Variants in PARVG observed in about 807,000 individuals in gnomAD.
PARVG encodes gamma-parvin.
Under a neutral mutation model 44.4 loss-of-function variants are expected in PARVG, and 36 were observed. The ratio of observed to expected loss-of-function variants is 0.81; its 90% CI spans 0.62 to 1.07. The LOEUF (loss-of-function observed/expected upper bound fraction) is 1.07, where lower values mean the gene tolerates loss of function less well. Ranked by LOEUF, PARVG falls within the 50% of genes least tolerant of loss-of-function variation. The pLI, the probability that PARVG is intolerant of heterozygous loss-of-function variation, is 0.00. For synonymous variants in PARVG, 170 were observed against 174.1 expected, an observed-to-expected ratio of 0.98 and a Z score of 0.19; for missense variants, 407 against 407.4, an observed-to-expected ratio of 1.00 and a Z score of 0.01.
At chr22:44,187,997 A>G (rs1011020505) in intron 5 of PARVG, 119 bp downstream of exon 5, 8 of 1,003,842 alleles carry the variant, frequency 8.0e-6, no homozygotes, top group Admixed American at 2.0e-5. Context: ...GTTTAGGGAC[A>G]CCTGTCTCAC....
chr22:44,201,692 CA>C (rs2054711597), intron 12 of PARVG, among the ~76,000 whole-genome samples: 1 of 152,228 alleles, frequency 6.6e-6, no homozygotes, highest in African/African-American at 2.4e-5. Context: ...GGCTGAAAAC[CA>C]TGCTCATTTC....
At chr22:44,189,656 C>T (rs2147226433) in intron 6 of PARVG, among the ~76,000 whole-genome samples, 1 of 152,306 alleles carries the variant, frequency 6.6e-6, no homozygotes, top group East Asian at 1.9e-4. Flanking sequence ...GTGTCTCACA[C>T]CTGTAATCCC....
intron 3 of PARVG, chr22:44,185,462 C>T: frequency 4.1e-6 from 1 of 244,942 alleles, no homozygotes; most frequent in Non-Finnish European, 8.2e-6. Flanking sequence ...ACCTTAGCCC[C>T]TTAGAGCCTG....
chr22:44,184,012 G>C (rs1323405398), intron 3 of PARVG: 1 of 166,532 alleles, frequency 6.0e-6, no homozygotes, highest in Non-Finnish European at 1.3e-5. Flanking sequence ...CGCCCTTTCA[G>C]TAAAGCTCTG....
chr22:44,185,929 C>A (rs372041452), intron 4 of PARVG, 57 bp downstream of exon 4: 13 of 1,527,480 alleles, frequency 8.5e-6, no homozygotes, highest in Non-Finnish European at 1.2e-5. Flanking sequence ...GACCAGGCAG[C>A]GGCCTCCACG....
At chr22:44,194,713 T>C (rs967597650) in intron 9 of PARVG, among the ~76,000 whole-genome samples, 3 of 141,392 alleles carry the variant, frequency 2.1e-5, no homozygotes, top group African/African-American at 7.9e-5. Context: ...TATCCACGCA[T>C]TCATCCATCC....
At chr22:44,191,909 C>A in intron 7 of PARVG, 140 bp from the exon 8 acceptor site, 1 of 952,834 alleles carries the variant, frequency 1.0e-6, no homozygotes, top group East Asian at 2.5e-5. Context: ...TCCCCAACCT[C>A]AAGACTCCTG....
chr22:44,205,592 T>A (rs2054769572), intron 12 of PARVG, among the ~76,000 whole-genome samples, 165 bp from the exon 13 acceptor site: 1 of 152,218 alleles, frequency 6.6e-6, no homozygotes, highest in Admixed American at 6.5e-5. Context: ...AGGGAGATGC[T>A]GGATGACCAC....
intron 1 of PARVG, among the ~76,000 whole-genome samples, chr22:44,173,747 C>T (rs1282426776): frequency 6.6e-6 from 1 of 152,166 alleles, no homozygotes; most frequent in Non-Finnish European, 1.5e-5. Flanking sequence ...GGAGGTTCTG[C>T]CCCTTGGGGG....
At chr22:44,173,061 C>T (rs137980332) in exon 1 of PARVG, 113 of 1,289,764 alleles carry the variant, frequency 8.8e-5, no homozygotes, top group South Asian at 1.2e-4. Context: ...CGCTGCTTCC[C>T]GGGACCTTCC....
Position 44,185,794 on chromosome 22 carries a change from C to T in PARVG, c.80-14C>T. ...AGGGTCCCCATGCGCTTGTCATACC[C>T]ACTCTGCTTCCAGGAGGAAAGAAGA... On this transcript the variant is annotated splice_polypyrimidine_tract_variant and intron_variant, in intron 3 of 13. Transcript: ENST00000444313. The T allele has an allele frequency of 1.2e-6, 2 of 1,611,772 alleles. No homozygotes were observed. The highest frequency in any genetic ancestry group is 8.5e-7 in the Non-Finnish European group (1 of 1,178,418).
intron 5 of PARVG, 154 bp downstream of exon 5, chr22:44,188,032 A>G: frequency 2.6e-6 from 2 of 772,446 alleles, no homozygotes; most frequent in Non-Finnish European, 4.3e-6. Flanking sequence ...TGGGCTGGGG[A>G]GATGGAGGCG....
chr22:44,194,667 TATCCATCCATCC>T (rs539985877), intron 9 of PARVG, among the ~76,000 whole-genome samples: 1 of 132,454 alleles, frequency 7.5e-6, no homozygotes, highest in East Asian at 2.3e-4. Context: ...TCCATCAACC[TATCCATCCATCC>T]ATCCATCCAT....
intron 9 of PARVG, among the ~76,000 whole-genome samples, chr22:44,194,429 A>T (rs1341652701): frequency 1.3e-5 from 2 of 151,966 alleles, no homozygotes; most frequent in South Asian, 4.1e-4. Context: ...CTATTTATCC[A>T]TCTATTGATC....
rs139049152 is a variant in PARVG, at chr22:44,183,398, G to A, written c.69G>A (p.Glu23=). Residue 23 remains glutamate, a synonymous_variant, in exon 3 of 14, where the codon GAG becomes GAA. Transcript: ENST00000444313. ...GGGTGGAGCCCCCAGCGGAGGAGGA[G>A]CTCTCAAAAGGTGTGTGCCCACGCA... ...PKGVEPPAEE[E]LSKGGKKKYL... 698 of 1,604,026 alleles carry A rather than the reference G, an allele frequency of 4.4e-4. 2 individuals are homozygous for A. Among genetic ancestry groups the A allele is most frequent in the South Asian group, 9.6e-4 (85 of 88,708 alleles).
Position 44,208,018 on chromosome 22 carries a change from C to T in PARVG, c.*1592C>T, listed in dbSNP as rs1271342982. 1 of 152,320 alleles carries T rather than the reference C, an allele frequency of 6.6e-6. No homozygotes were observed. Among genetic ancestry groups the T allele is most frequent in the Non-Finnish European group, 1.5e-5 (1 of 68,182 alleles). 9.4% of individuals were successfully genotyped at this position (152,320 alleles called of 1,614,324 possible). ...CCCCTCCAGCACCTCAAATCCTCTC[C>T]TGGAGCTTCTGGGGACACAGGCTCA... On this transcript the variant is annotated 3_prime_UTR_variant, in exon 14 of 14. Transcript: ENST00000444313.
In PARVG at chr22:44,199,786, G is replaced by C. The variant is rs1018572304; in HGVS notation, c.813+1064G>C. Among the ~76,000 whole-genome samples the C allele has an allele frequency of 1.6e-4, 24 of 152,206 alleles. 1 individual carries two copies. The highest frequency in any genetic ancestry group is 1.2e-3 in the Admixed American group (19 of 15,282). The stretch of plus-strand genomic sequence containing the variant: ...GAGGGGAGGGAATAGCATCAGCAAA[G>C]GCTCAGAATGTGGCAAGAACAGGAA... On this transcript the variant is annotated intron_variant, in intron 12 of 13. Coordinates refer to ENST00000444313, the MANE Select transcript of PARVG (RefSeq NM_022141.7).
chr22:44,202,456 C>A (rs1431378707), intron 12 of PARVG, among the ~76,000 whole-genome samples: 1 of 152,222 alleles, frequency 6.6e-6, no homozygotes, highest in Non-Finnish European at 1.5e-5. Context: ...ACCATCCAAG[C>A]CCCAGTTACA....
chr22:44,190,064 A>G (rs2054527606), intron 6 of PARVG, among the ~76,000 whole-genome samples: 2 of 152,186 alleles, frequency 1.3e-5, no homozygotes, highest in East Asian at 1.9e-4. Context: ...GAAAGAAATT[A>G]TGCAGCTTCT....
Sources: gnomAD v4.1 joint callset for allele counts (sites outside exome capture counted in the v4.1 genomes callset) on GRCh38, gnomAD v4.1.1 for gene constraint, MANE v1.5 for transcripts, NCBI Gene and HGNC (gene_info 2026-07-23, HGNC 2026-07-21) for gene names.